OSBPL1A: variants seen among roughly 807,000 people sequenced by gnomAD.
OSBPL1A encodes oxysterol-binding protein-related protein 1.
Under a neutral mutation model 137.1 loss-of-function variants are expected in OSBPL1A, and 80 were observed. The observed-to-expected ratio is 0.58, with a 90% CI of 0.49 to 0.70. The LOEUF (loss-of-function observed/expected upper bound fraction) is 0.70. OSBPL1A is among the 30% of genes least tolerant of loss of function. The probability of loss-of-function intolerance (pLI) is 0.00; values close to 1 mark genes in which losing one functional copy is unlikely to be tolerated. For synonymous variants in OSBPL1A, 365 were observed against 389.7 expected, an observed-to-expected ratio of 0.94 and a Z score of 0.75; for missense variants, 970 against 1,129.4, an observed-to-expected ratio of 0.86 and a Z score of 2.02.
intron 1 of OSBPL1A, among the ~76,000 whole-genome samples, chr18:24,381,129 G>T (rs1186528198): frequency 1.3e-5 from 2 of 152,208 alleles, no homozygotes; most frequent in South Asian, 2.1e-4. Context: ...ACCACTGCAA[G>T]AGAGTCCTGC....
chr18:24,350,819 T>C (rs1343650073), intron 4 of OSBPL1A, among the ~76,000 whole-genome samples: 1 of 152,034 alleles, frequency 6.6e-6, no homozygotes, highest in African/African-American at 2.4e-5. Context: ...TTTCCAGACA[T>C]AAGAATTCTC....
intron 20 of OSBPL1A, among the ~76,000 whole-genome samples, chr18:24,178,756 T>C (rs2086521173): frequency 6.6e-6 from 1 of 152,186 alleles, no homozygotes; most frequent in Non-Finnish European, 1.5e-5. Context: ...ATATTAGTCA[T>C]GTAAATTTAA....
At chr18:24,327,470 C>G (rs969223106) in intron 7 of OSBPL1A, among the ~76,000 whole-genome samples, 6 of 152,108 alleles carry the variant, frequency 3.9e-5, no homozygotes, top group Non-Finnish European at 7.4e-5. Context: ...AGTGCAGTAG[C>G]ATGATCTCAG....
intron 5 of OSBPL1A, among the ~76,000 whole-genome samples, chr18:24,340,303 T>C (rs2091252645): frequency 6.6e-6 from 1 of 152,330 alleles, no homozygotes; most frequent in East Asian, 1.9e-4. Flanking sequence ...TGCAAATTAG[T>C]CTTTGACATT....
chr18:24,297,515 T>C (rs892127474), intron 14 of OSBPL1A, among the ~76,000 whole-genome samples: 3 of 152,222 alleles, frequency 2.0e-5, no homozygotes, highest in African/African-American at 7.2e-5. Flanking sequence ...TCCGACTTTT[T>C]AATGCAGGCA....
intron 14 of OSBPL1A, among the ~76,000 whole-genome samples, chr18:24,298,905 G>A (rs1184608743): frequency 6.6e-6 from 1 of 152,132 alleles, no homozygotes; most frequent in Admixed American, 6.5e-5. Context: ...ATAAATCTGG[G>A]AGCTCCAGTG....
At chr18:24,391,759 A>C (rs1907375954) in intron 1 of OSBPL1A, among the ~76,000 whole-genome samples, 4 of 152,142 alleles carry the variant, frequency 2.6e-5, no homozygotes, top group Admixed American at 2.6e-4. Context: ...GACAACAACA[A>C]AAAAACCTAA....
intron 2 of OSBPL1A, among the ~76,000 whole-genome samples, chr18:24,375,666 C>T (rs991255610): frequency 2.6e-5 from 4 of 152,178 alleles, no homozygotes; most frequent in African/African-American, 7.2e-5. Context: ...ACCTGCACTT[C>T]CAGATCCTGG....
At chr18:24,234,094 T>C (rs147627408) in intron 16 of OSBPL1A, among the ~76,000 whole-genome samples, 1 of 152,260 alleles carries the variant, frequency 6.6e-6, no homozygotes, top group East Asian at 1.9e-4. Flanking sequence ...GTGGACAAAG[T>C]AGCAAAAAGA....
At position 24,318,596 on chromosome 18, in the gene OSBPL1A, C is replaced by T. The variant is rs772336200; in HGVS notation, c.732+5G>A. On this transcript the variant is annotated splice_donor_5th_base_variant and intron_variant, in intron 9 of 27. Transcript: ENST00000319481. Reference sequence around the variant, plus strand: ...TTATATAATTAAAAAACCACCTCAACTTACCTTCCAGAGAGGGCCCTCATA... The same window carrying T: ...TTATATAATTAAAAAACCACCTCAATTTACCTTCCAGAGAGGGCCCTCATA... 3.7e-6 allele frequency: 6 copies of T among 1,605,720 alleles called. No individual in the cohort carries two copies. The highest frequency in any genetic ancestry group is 5.1e-6 in the Non-Finnish European group (6 of 1,177,496).
intron 14 of OSBPL1A, among the ~76,000 whole-genome samples, chr18:24,292,408 G>A (rs1182875802): frequency 3.9e-5 from 6 of 152,100 alleles, no homozygotes; most frequent in Non-Finnish European, 8.8e-5. Context: ...TTGTACACTC[G>A]TTAAATTTAC....
intron 7 of OSBPL1A, among the ~76,000 whole-genome samples, chr18:24,327,202 G>A (rs1255218836): frequency 1.3e-5 from 2 of 150,412 alleles, no homozygotes; most frequent in African/African-American, 4.9e-5. Flanking sequence ...CTACCTCCCA[G>A]GTTCAAGCGA....
At chr18:24,343,371 G>A (rs1363561589) in intron 4 of OSBPL1A, among the ~76,000 whole-genome samples, 1 of 152,120 alleles carries the variant, frequency 6.6e-6, no homozygotes, top group African/African-American at 2.4e-5. Context: ...TGGATGGAAA[G>A]ACTTAATATT....
intron 2 of OSBPL1A, among the ~76,000 whole-genome samples, chr18:24,373,654 T>G (rs181098215): frequency 9.2e-5 from 14 of 152,306 alleles, no homozygotes; most frequent in African/African-American, 3.4e-4. Context: ...AACATCTCTA[T>G]GTTGACTGTT....
chr18:24,391,945 T>C lies in OSBPL1A; in HGVS notation c.-3+5710A>G, dbSNP rs1907389308. Among the ~76,000 whole-genome samples, 14 of 152,078 alleles carry C rather than the reference T, an allele frequency of 9.2e-5. No individual in the cohort carries two copies. The South Asian group carries it at 2.9e-3, about 31-fold the overall frequency. ...ATCTCAGCTCACTGCAACCTTCACC[T>C]CCTGGGCTCAAGTGATCCTCCCACC... On this transcript the variant is annotated intron_variant, in intron 1 of 27. Coordinates refer to ENST00000319481, the MANE Select transcript of OSBPL1A (RefSeq NM_080597.4).
intron 4 of OSBPL1A, among the ~76,000 whole-genome samples, chr18:24,344,295 C>T (rs1456967535): frequency 1.3e-5 from 2 of 152,022 alleles, no homozygotes; most frequent in Non-Finnish European, 2.9e-5. Context: ...ACCAAAAATA[C>T]AAAAATTAGC....
rs186466007 is a variant in OSBPL1A, at chr18:24,378,467, C to T, written c.-2-932G>A. Among the ~76,000 whole-genome samples the T allele has an allele frequency of 2.9e-3, 436 of 152,320 alleles. 3 individuals carry two copies. The highest frequency in any genetic ancestry group is 0.014 in the Middle Eastern group (4 of 294). ...GCAACTCTATTTCTAGAAATCTATC[C>T]TGCAAAAACATTTACACAAGATTTT... On this transcript the variant is annotated intron_variant, in intron 1 of 27. Coordinates refer to ENST00000319481, the MANE Select transcript of OSBPL1A (RefSeq NM_080597.4).
At chr18:24,272,001 C>G in intron 15 of OSBPL1A, 1 of 981,512 alleles carries the variant, frequency 1.0e-6, no homozygotes, top group Non-Finnish European at 1.2e-6. Context: ...GCGGCAAGGC[C>G]TGCGGCGGGC....
chr18:24,364,492 A>G (rs2091673402), intron 4 of OSBPL1A, among the ~76,000 whole-genome samples: 1 of 152,230 alleles, frequency 6.6e-6, no homozygotes, highest in Non-Finnish European at 1.5e-5. Context: ...ACAGTTGTGC[A>G]TGCCTACAGT....
Sources: allele counts gnomAD v4.1 joint callset (sites outside exome capture counted in the v4.1 genomes callset), GRCh38; gene constraint gnomAD v4.1.1; transcripts MANE v1.5; gene names NCBI Gene and HGNC (gene_info 2026-07-23, HGNC 2026-07-21).